The following ZNF735 variants were observed in gnomAD, a reference collection of about 807,000 sequenced individuals.
ZNF735 encodes putative zinc finger protein 735.
In ZNF735, 11 loss-of-function variants were observed where a neutral mutation model predicts 13.4. The observed-to-expected ratio is 0.82, with a 90% CI of 0.52 to 1.36. ZNF735 has a LOEUF of 1.36. ZNF735 is among the 40% of genes most tolerant of loss of function. ZNF735 has a pLI of 0.00. For synonymous variants in ZNF735, 171 were observed against 162.6 expected (o/e 1.05, Z -0.39); for missense variants, 500 against 484.6 (o/e 1.03, Z -0.30).
At chr7:64,210,125 C>T (rs1448012740) in intron 1 of ZNF735, among the ~76,000 whole-genome samples, 1 of 152,132 alleles carries the variant, frequency 6.6e-6, no homozygotes, top group Non-Finnish European at 1.5e-5. Context: ...AATTAAATCA[C>T]AAAATGTGTT....
intron 3 of ZNF735, 93 bp from the exon 4 acceptor site, chr7:64,219,221 A>G: frequency 6.1e-6 from 9 of 1,470,332 alleles, no homozygotes; most frequent in Non-Finnish European, 8.2e-6. Flanking sequence ...CCATTTTGCT[A>G]ATGTACCTTG....
At chr7:64,211,807 A>G (rs912649748) in intron 1 of ZNF735, among the ~76,000 whole-genome samples, 2 of 151,580 alleles carry the variant, frequency 1.3e-5, no homozygotes, top group Admixed American at 6.6e-5. Context: ...CGGAGGTTGC[A>G]GTGACCTGAG....
At chr7:64,213,023 A>G in intron 1 of ZNF735, 69 bp from the exon 2 acceptor site, 2 of 1,490,532 alleles carry the variant, frequency 1.3e-6, no homozygotes, top group Non-Finnish European at 9.1e-7. Flanking sequence ...AACTTGAGTC[A>G]AATAAAAATC....
At chr7:64,214,392 C>T (rs2116484100) in intron 3 of ZNF735, among the ~76,000 whole-genome samples, 1 of 152,238 alleles carries the variant, frequency 6.6e-6, no homozygotes, top group East Asian at 1.9e-4. Flanking sequence ...TCAGGGACTG[C>T]ACAAACTGAC....
intron 1 of ZNF735, among the ~76,000 whole-genome samples, chr7:64,210,576 T>C (rs918887813): frequency 6.6e-6 from 1 of 152,158 alleles, no homozygotes; most frequent in African/African-American, 2.4e-5. Context: ...GAGAGTTTAG[T>C]TCAACCTTTG....
At chr7:64,213,804 CA>C (rs1374991421) in intron 2 of ZNF735, among the ~76,000 whole-genome samples, 1 of 151,838 alleles carries the variant, frequency 6.6e-6, no homozygotes, top group African/African-American at 2.4e-5. Flanking sequence ...ACTAAAAATA[CA>C]AAAATTAGCT....
At chr7:64,213,315 C>T in intron 2 of ZNF735, 97 bp downstream of exon 2, 1 of 1,209,782 alleles carries the variant, frequency 8.3e-7, no homozygotes, top group Non-Finnish European at 1.1e-6. Context: ...TGAATTTTAG[C>T]TCTCCGATTT....
intron 1 of ZNF735, among the ~76,000 whole-genome samples, chr7:64,210,228 G>T (rs150244686): frequency 3.3e-5 from 5 of 152,230 alleles, no homozygotes; most frequent in Admixed American, 1.3e-4. Flanking sequence ...TTTTCCAGGT[G>T]CAGATTTACT....
intron 1 of ZNF735, among the ~76,000 whole-genome samples, chr7:64,211,530 A>G (rs1284882668): frequency 6.6e-6 from 1 of 152,190 alleles, no homozygotes; most frequent in Admixed American, 6.5e-5. Context: ...CAGGGAAGTT[A>G]TCTGTACCTT....
At chr7:64,219,393 A>G in exon 4 of ZNF735, 3 of 1,614,046 alleles carry the variant, frequency 1.9e-6, no homozygotes, top group Non-Finnish European at 2.5e-6. Context: ...TACCAAGAAC[A>G]TATGGAAAAT....
chr7:64,215,160 C>G (rs190099071), intron 3 of ZNF735, among the ~76,000 whole-genome samples: 179 of 151,660 alleles, frequency 1.2e-3, no homozygotes, highest in African/African-American at 4.2e-3. Flanking sequence ...CTCCCAGATT[C>G]AAATGATTCT....
exon 2 of ZNF735, chr7:64,213,097 G>A (rs894057195): frequency 6.2e-7 from 1 of 1,610,320 alleles, no homozygotes; most frequent in African/African-American, 1.3e-5. Context: ...TTCAGGGACT[G>A]TTGACATTCA....
At chr7:64,220,106 C>T (rs1307080862) in exon 4 of ZNF735, 4 of 1,613,584 alleles carry the variant, frequency 2.5e-6, no homozygotes, top group East Asian at 4.5e-5. Context: ...GGAGAGAAAC[C>T]CTACACATGT....
exon 4 of ZNF735, chr7:64,220,184 A>G: frequency 6.2e-7 from 1 of 1,613,160 alleles, no homozygotes; most frequent in South Asian, 1.1e-5. Context: ...CATACTGGAG[A>G]GAAACCATAC....
chr7:64,220,134 C>T (rs1787474734), exon 4 of ZNF735: 3 of 1,613,472 alleles, frequency 1.9e-6, no homozygotes, highest in Non-Finnish European at 2.5e-6. Context: ...GTGGCAGAAC[C>T]TTTAACTGCT....
At chr7:64,216,607 AT>A (rs34572712) in intron 3 of ZNF735, among the ~76,000 whole-genome samples, 370 of 145,208 alleles carry the variant, frequency 2.5e-3, no homozygotes, top group Middle Eastern at 7.1e-3. Context: ...CTCTTCTTAA[AT>A]TTTTTTTTTT....
chr7:64,218,079 A>G (rs1584216017), intron 3 of ZNF735, among the ~76,000 whole-genome samples: 1 of 151,886 alleles, frequency 6.6e-6, no homozygotes, highest in African/African-American at 2.4e-5. Context: ...AAGTGGAAAG[A>G]CCTCTTTTCA....
At position 64,220,065 on chromosome 7, in the gene ZNF735, G is replaced by A. The variant is rs532986953; in HGVS notation, c.1014G>A (p.Ser338=). The A allele has an allele frequency of 9.2e-5, 148 of 1,610,220 alleles. 1 individual carries two copies. The South Asian group carries it at 9.3e-4, about 10-fold the overall frequency. The change falls in exon 4 of 4, where the codon TCG becomes TCA. Residue 338 remains serine (S), a synonymous_variant. Coordinates refer to ENST00000429565, the Ensembl canonical transcript of ZNF735. The stretch of plus-strand genomic sequence containing the variant: ...GTGGCAAAGCCTTTAACTGCTCCTC[G>A]ACTCTTAAGACACATAAGATAATTC...
intron 1 of ZNF735, 40 bp downstream of exon 1, chr7:64,207,281 G>T: frequency 6.2e-7 from 1 of 1,614,204 alleles, no homozygotes; most frequent in South Asian, 1.1e-5. Flanking sequence ...GGGGTGGGAG[G>T]TGGTTGGAAC....
Sources: allele counts gnomAD v4.1 joint callset (sites outside exome capture counted in the v4.1 genomes callset), GRCh38; gene constraint gnomAD v4.1.1; transcripts MANE v1.5; gene names NCBI Gene and HGNC (gene_info 2026-07-23, HGNC 2026-07-21).